Variants in VAT1L observed in about 807,000 individuals in gnomAD.
The protein encoded by VAT1L is vesicle amine transport 1 like, also known as putative NADPH-dependent quinone oxidoreductase VAT1L.
Under a neutral mutation model 44.1 loss-of-function variants are expected in VAT1L, and 34 were observed. The observed-to-expected ratio is 0.77, with a 90% CI of 0.59 to 1.03. VAT1L has a LOEUF of 1.03. Ranked by LOEUF, VAT1L falls within the 50% of genes least tolerant of loss-of-function variation. The pLI is 0.00. For synonymous variants in VAT1L, 253 were observed against 202.2 expected (o/e 1.25, Z -2.13); for missense variants, 615 against 538.8 (o/e 1.14, Z -1.40).
intron 6 of VAT1L, among the ~76,000 whole-genome samples, chr16:77,880,216 G>A (rs1286766815): frequency 1.3e-5 from 2 of 152,096 alleles, no homozygotes; most frequent in Non-Finnish European, 2.9e-5. Context: ...GAGTGCCGTG[G>A]CATGGTCTCG....
intron 3 of VAT1L, among the ~76,000 whole-genome samples, chr16:77,844,490 C>T (rs1039479775): frequency 2.6e-5 from 4 of 152,094 alleles, no homozygotes; most frequent in Admixed American, 2.6e-4. Flanking sequence ...CTCCCTGCAA[C>T]CTCCGCCTCC....
chr16:77,955,343 C>T (rs560130778), intron 7 of VAT1L, among the ~76,000 whole-genome samples: 10 of 152,156 alleles, frequency 6.6e-5, no homozygotes, highest in East Asian at 1.9e-4. Context: ...AGGATGCTGA[C>T]GAACATCCTG....
At chr16:77,848,060 T>C (rs1163019289) in intron 3 of VAT1L, among the ~76,000 whole-genome samples, 1 of 152,174 alleles carries the variant, frequency 6.6e-6, no homozygotes, top group African/African-American at 2.4e-5. Context: ...AGATCCACGG[T>C]GCAGGAACGT....
chr16:77,943,937 G>C (rs1355319590), intron 7 of VAT1L, among the ~76,000 whole-genome samples: 3 of 152,192 alleles, frequency 2.0e-5, no homozygotes, highest in Non-Finnish European at 4.4e-5. Flanking sequence ...TGTATCTTTA[G>C]AGCTTGATGC....
chr16:77,924,115 G>A (rs2017641309), intron 7 of VAT1L, among the ~76,000 whole-genome samples: 1 of 152,162 alleles, frequency 6.6e-6, no homozygotes, highest in Admixed American at 6.5e-5. Context: ...TAATACAGAT[G>A]TCAGCTGGCA....
chr16:77,852,898 G>A (rs757513373), intron 3 of VAT1L, among the ~76,000 whole-genome samples: 4 of 152,152 alleles, frequency 2.6e-5, no homozygotes, highest in Non-Finnish European at 5.9e-5. Flanking sequence ...GGGAAATGAG[G>A]ATGAACTAGT....
At chr16:77,886,306 A>G (rs2017208872) in intron 7 of VAT1L, among the ~76,000 whole-genome samples, 1 of 152,202 alleles carries the variant, frequency 6.6e-6, no homozygotes, top group Admixed American at 6.5e-5. Flanking sequence ...GAACAGGGAA[A>G]GGGCTGGGCT....
chr16:77,955,049 C>T (rs938001668), intron 7 of VAT1L, among the ~76,000 whole-genome samples: 10 of 152,200 alleles, frequency 6.6e-5, no homozygotes, highest in African/African-American at 2.2e-4. Context: ...TGTTCATGAG[C>T]GCCTATTGAG....
At chr16:77,927,005 A>G (rs141807666) in intron 7 of VAT1L, among the ~76,000 whole-genome samples, 1,906 of 152,250 alleles carry the variant, frequency 0.013, 40 homozygotes, top group African/African-American at 0.044. Context: ...AGAAGACAAC[A>G]TAACAGTCAT....
rs148680093 is a variant in VAT1L, at chr16:77,940,725, T to C, written c.1078-31125T>C. 1.8e-3 allele frequency among the ~76,000 whole-genome samples: 271 copies of C among 152,280 alleles called. 3 individuals carry two copies. The highest frequency in any genetic ancestry group is 2.7e-3 in the Non-Finnish European group (182 of 68,028). On this transcript the variant is annotated intron_variant, in intron 7 of 8. Transcript: ENST00000302536. ...ACATCCATAATTAATTTAAAAATAATAGTGGTTTTCTGTCTGTCTTCAAAT... is the reference window on the plus strand; with the variant it reads ...ACATCCATAATTAATTTAAAAATAACAGTGGTTTTCTGTCTGTCTTCAAAT...
intron 7 of VAT1L, among the ~76,000 whole-genome samples, chr16:77,937,072 C>T (rs116960639): frequency 3.6e-4 from 55 of 152,166 alleles, no homozygotes; most frequent in Non-Finnish European, 7.2e-4. Context: ...TTAGTAGAGA[C>T]GGGGTTCACC....
At chr16:77,962,676 A>G (rs1174110058) in intron 7 of VAT1L, among the ~76,000 whole-genome samples, 1 of 151,732 alleles carries the variant, frequency 6.6e-6, no homozygotes, top group Non-Finnish European at 1.5e-5. Context: ...TCAATCCAGG[A>G]GTTCAAGACC....
intron 7 of VAT1L, among the ~76,000 whole-genome samples, chr16:77,933,170 C>G (rs1597105787): frequency 1.3e-5 from 2 of 152,288 alleles, no homozygotes; most frequent in South Asian, 4.1e-4. Context: ...AACTATCACT[C>G]CTTGAAGTTT....
intron 7 of VAT1L, among the ~76,000 whole-genome samples, chr16:77,919,544 G>C (rs951867827): frequency 2.6e-5 from 4 of 152,198 alleles, no homozygotes; most frequent in Non-Finnish European, 5.9e-5. Context: ...GCGTTACTGA[G>C]CGAGTCTGAA....
At chr16:77,883,867 C>T (rs557729659) in intron 6 of VAT1L, among the ~76,000 whole-genome samples, 12 of 152,236 alleles carry the variant, frequency 7.9e-5, no homozygotes, top group Admixed American at 7.2e-4. Flanking sequence ...AGAGTGGCCA[C>T]CTCCATCATG....
intron 3 of VAT1L, among the ~76,000 whole-genome samples, chr16:77,849,904 G>A (rs147881895): frequency 9.8e-5 from 15 of 152,328 alleles, no homozygotes; most frequent in East Asian, 1.9e-4. Flanking sequence ...TGGCAGAAAC[G>A]GAGCAATGAT....
At chr16:77,838,313 T>C (rs2016662496) in intron 3 of VAT1L, among the ~76,000 whole-genome samples, 1 of 152,172 alleles carries the variant, frequency 6.6e-6, no homozygotes, top group Admixed American at 6.6e-5. Flanking sequence ...ATCAGTTCAG[T>C]TGGGAAAGGG....
At chr16:77,862,682 C>A (rs1400207888) in intron 3 of VAT1L, 66 bp from the exon 4 acceptor site, 4 of 1,455,106 alleles carry the variant, frequency 2.7e-6, no homozygotes, top group East Asian at 2.4e-5. Flanking sequence ...CTGCTCTACA[C>A]CCAGCAAGAC....
intron 1 of VAT1L, among the ~76,000 whole-genome samples, chr16:77,799,435 G>C (rs910819017): frequency 6.6e-6 from 1 of 151,632 alleles, no homozygotes; most frequent in African/African-American, 2.4e-5. Context: ...CCACACCTGT[G>C]CCTCATGCTC....
Sources: gnomAD v4.1 joint callset for allele counts (sites outside exome capture counted in the v4.1 genomes callset) on GRCh38, gnomAD v4.1.1 for gene constraint, MANE v1.5 for transcripts, NCBI Gene and HGNC (gene_info 2026-07-23, HGNC 2026-07-21) for gene names.